The following PRKN variants were observed in gnomAD, a reference collection of about 807,000 sequenced individuals.
PRKN encodes E3 ubiquitin-protein ligase parkin.
PRKN carries 56 observed loss-of-function variants against 59.5 expected under a neutral mutation model. The observed-to-expected ratio is 0.94, with a 90% CI of 0.76 to 1.18. The LOEUF (loss-of-function observed/expected upper bound fraction) is 1.18, where lower values mean the gene tolerates loss of function less well. Among genes scored for constraint, PRKN ranks in the 50% most tolerant of loss-of-function variants. The pLI is 0.00. For missense variants in PRKN, 657 were observed against 596.4 expected (o/e 1.10, Z -1.06); for synonymous variants, 250 against 222.1 (o/e 1.13, Z -1.12).
intron 1 of PRKN, among the ~76,000 whole-genome samples, chr6:162,544,039 G>A (rs921391165): frequency 2.0e-5 from 3 of 152,078 alleles, no homozygotes; most frequent in Non-Finnish European, 4.4e-5. Context: ...GTTATCTCTT[G>A]TACTCTACTA....
At chr6:162,104,132 G>T (rs994635990) in intron 4 of PRKN, among the ~76,000 whole-genome samples, 1 of 152,166 alleles carries the variant, frequency 6.6e-6, no homozygotes, top group African/African-American at 2.4e-5. Flanking sequence ...GCATGACTCA[G>T]TTTGTTTGTC....
In PRKN at chr6:161,837,153, C is replaced by T. The variant is rs577906495; in HGVS notation, c.735-51245G>A. Among the ~76,000 whole-genome samples the T allele has an allele frequency of 5.9e-4, 90 of 152,252 alleles. 3 individuals carry two copies. The South Asian group carries it at 0.016, about 28-fold the overall frequency. ...ATGGAAGAAAATGTCCTGTAGCCTCCTCCCCCCTCATCAATGCTCAGTCAC... is the reference window on the plus strand; with the variant it reads ...ATGGAAGAAAATGTCCTGTAGCCTCTTCCCCCCTCATCAATGCTCAGTCAC... On this transcript the variant is annotated intron_variant, in intron 6 of 11. Transcript: ENST00000366898.
intron 1 of PRKN, among the ~76,000 whole-genome samples, chr6:162,722,976 G>A (rs1778991443): frequency 6.6e-6 from 1 of 152,126 alleles, no homozygotes; most frequent in African/African-American, 2.4e-5. Flanking sequence ...AAGCTTTGGG[G>A]TACTTAGGCA....
At chr6:162,586,754 GT>G (rs34395154) in intron 1 of PRKN, among the ~76,000 whole-genome samples, 15,556 of 152,240 alleles carry the variant, frequency 0.1, 936 homozygotes, top group Middle Eastern at 0.19. Context: ...GTAAACATGT[GT>G]TTGAAGGACA....
Position 161,545,103 on chromosome 6 carries a change from T to C in PRKN, c.1083+3751A>G, listed in dbSNP as rs1779749198. On this transcript the variant is annotated intron_variant, in intron 9 of 11. Transcript: ENST00000366898. The surrounding 1 kb of genome is among the most constrained non-coding windows in gnomAD (Gnocchi z 4.1). ...TCCGAACAATTTTAAATCCCACAAA[T>C]GACAGAGAATTTGGTTTTCAACTTT... The C allele has an allele frequency of 3.3e-6, 4 of 1,212,340 alleles. No individual in the cohort carries two copies. Among genetic ancestry groups the C allele is most frequent in the African/African-American group, 3.1e-5 (2 of 63,888 alleles). 75.1% of individuals were successfully genotyped at this position (1,212,340 alleles called of 1,614,324 possible). A position where few individuals can be genotyped will look rare whatever the true frequency, so the allele number is the denominator to read the frequency against.
intron 4 of PRKN, among the ~76,000 whole-genome samples, chr6:162,110,993 A>C (rs1424225060): frequency 6.6e-6 from 1 of 152,194 alleles, no homozygotes; most frequent in Non-Finnish European, 1.5e-5. Context: ...GTTGTGGCTG[A>C]CATGACCAGA....
chr6:162,246,929 C>G (rs1282671756), intron 3 of PRKN, among the ~76,000 whole-genome samples: 1 of 152,012 alleles, frequency 6.6e-6, no homozygotes, highest in Non-Finnish European at 1.5e-5. Flanking sequence ...CTTCAGACAG[C>G]TAGGTAATTT....
At chr6:161,632,908 T>G (rs368802756) in intron 7 of PRKN, among the ~76,000 whole-genome samples, 1 of 152,140 alleles carries the variant, frequency 6.6e-6, no homozygotes, top group African/African-American at 2.4e-5. Context: ...ACTAGGTCCC[T>G]CCCATGACAC....
intron 9 of PRKN, among the ~76,000 whole-genome samples, chr6:161,510,239 T>C (rs1041251131): frequency 2.0e-5 from 3 of 152,206 alleles, no homozygotes; most frequent in African/African-American, 7.2e-5. Flanking sequence ...ATGACACAAA[T>C]TTGTGGAGAT....
chr6:161,532,191 T>TATATATAA (rs1365274194), intron 9 of PRKN, among the ~76,000 whole-genome samples: 3 of 142,010 alleles, frequency 2.1e-5, no homozygotes, highest in African/African-American at 7.9e-5. Flanking sequence ...TATATATATA[T>TATATATAA]AATCTATCTA....
rs1780447649 is a variant in PRKN, at chr6:161,561,346, A to C, written c.933+8009T>G. Reference sequence around the variant, plus strand: ...ATTTTTTGGTTCCTAAGACCAATGTAGGTAGGACCTGCCTCTCTCCAGCCA... The same window carrying C: ...ATTTTTTGGTTCCTAAGACCAATGTCGGTAGGACCTGCCTCTCTCCAGCCA... On this transcript the variant is annotated intron_variant, in intron 8 of 11. Transcript: ENST00000366898. The surrounding 1 kb of genome is among the most constrained non-coding windows in gnomAD (Gnocchi z 5.0). Among the ~76,000 whole-genome samples, 1 of 152,196 alleles carries C rather than the reference A, an allele frequency of 6.6e-6. No individual in the cohort carries two copies.
chr6:162,471,077 TTTATTTATTTATTTTCATTTTTA>T, intron 1 of PRKN, among the ~76,000 whole-genome samples: 1 of 74,926 alleles, frequency 1.3e-5, no homozygotes, highest in South Asian at 5.0e-4. Flanking sequence ...CTATTTTTTA[TTTATTTATTTATTTTCATTTTTA>T]TTTATTTATT....
intron 4 of PRKN, among the ~76,000 whole-genome samples, chr6:162,152,310 A>G (rs2000751): frequency 0.98 from 149,188 of 152,204 alleles, 73,182 homozygotes; most frequent in Non-Finnish European, 1. Flanking sequence ...CCTAATTTTC[A>G]TCCAAAGTCA....
At chr6:161,441,113 C>T (rs1192046686) in intron 9 of PRKN, among the ~76,000 whole-genome samples, 1 of 152,144 alleles carries the variant, frequency 6.6e-6, no homozygotes, top group Non-Finnish European at 1.5e-5. Flanking sequence ...TCAGAAAGGG[C>T]CTATCTGCGG....
chr6:161,602,158 T>A (rs1782131884), intron 7 of PRKN, among the ~76,000 whole-genome samples: 1 of 151,746 alleles, frequency 6.6e-6, no homozygotes, highest in South Asian at 2.1e-4. Flanking sequence ...TTTACCTACC[T>A]ATCTTATCTA....
rs373815761 is a variant in PRKN at position 162,594,185 on chromosome 6, T to G, written c.7+133477A>C. Reference sequence around the variant, plus strand: ...AAAAAAAACTACCCCTTTGGAAGAGTAGTCTTAAACCTTTTTGCTCAAATT... The same window carrying G: ...AAAAAAAACTACCCCTTTGGAAGAGGAGTCTTAAACCTTTTTGCTCAAATT... On this transcript the variant is annotated intron_variant, in intron 1 of 11. Coordinates refer to ENST00000366898, the MANE Select transcript of PRKN (RefSeq NM_004562.3). 7.2e-5 allele frequency among the ~76,000 whole-genome samples: 11 copies of G among 151,812 alleles called. No homozygotes were observed. The East Asian group carries it at 1.4e-3, about 19-fold the overall frequency.
intron 1 of PRKN, among the ~76,000 whole-genome samples, chr6:162,461,256 C>A (rs1213761298): frequency 6.6e-6 from 1 of 151,402 alleles, no homozygotes; most frequent in African/African-American, 2.4e-5. Context: ...AATCCCAGAA[C>A]TTTAGGAGGC....
intron 7 of PRKN, among the ~76,000 whole-genome samples, chr6:161,634,790 A>G (rs1385060081): frequency 1.3e-5 from 2 of 152,232 alleles, no homozygotes; most frequent in Non-Finnish European, 2.9e-5. Context: ...AGAACTCAAA[A>G]AAGTCCAACT....
chr6:161,820,785 T>C (rs1477865548), intron 6 of PRKN, among the ~76,000 whole-genome samples: 1 of 150,678 alleles, frequency 6.6e-6, no homozygotes, highest in Admixed American at 6.6e-5. Context: ...TGTTTATAAA[T>C]ATATTTTTAA....
Sources: allele counts gnomAD v4.1 joint callset (sites outside exome capture counted in the v4.1 genomes callset), GRCh38; gene constraint gnomAD v4.1.1; non-coding constraint Gnocchi (gnomAD v3.1); transcripts MANE v1.5; gene names NCBI Gene and HGNC (gene_info 2026-07-23, HGNC 2026-07-21).